Variants in EYS observed in about 807,000 individuals in gnomAD.
The protein encoded by EYS is EGF-like photoreceptor maintenance factor, also known as protein eyes shut homolog.
Under a neutral mutation model 282.1 loss-of-function variants are expected in EYS, and 250 were observed. That is an observed-to-expected ratio of 0.89 (90% CI 0.80 to 0.98). The LOEUF (loss-of-function observed/expected upper bound fraction) is 0.98, where lower values mean the gene tolerates loss of function less well. Among genes scored for constraint, EYS ranks in the 50% least tolerant of loss-of-function variants. The probability of loss-of-function intolerance (pLI) is 0.00; values close to 1 mark genes in which losing one functional copy is unlikely to be tolerated. For synonymous variants in EYS, 1,355 were observed against 1,282.9 expected, an observed-to-expected ratio of 1.06 and a Z score of -1.20; for missense variants, 4,016 against 3,709.0, an observed-to-expected ratio of 1.08 and a Z score of -2.15.
intron 36 of EYS, among the ~76,000 whole-genome samples, chr6:63,826,845 C>CAAAAAAAAAAAAAAAAAAAG (rs1771478105): frequency 2.2e-3 from 169 of 76,634 alleles, no homozygotes; most frequent in Non-Finnish European, 2.9e-3. Flanking sequence ...AGTTAAAAAG[C>CAAAAAAAAAAAAAAAAAAAG]AAAAAAAAAA....
chr6:65,112,865 C>T (rs1028673345), intron 12 of EYS, among the ~76,000 whole-genome samples: 2 of 152,002 alleles, frequency 1.3e-5, no homozygotes, highest in African/African-American at 2.4e-5. Context: ...TACAGTTGCC[C>T]TTCATAAAAT....
intron 12 of EYS, among the ~76,000 whole-genome samples, chr6:65,206,842 C>G (rs1194378074): frequency 6.6e-6 from 1 of 151,490 alleles, no homozygotes; most frequent in Non-Finnish European, 1.5e-5. Context: ...AGATGAAAAC[C>G]CTCAACAAAC....
intron 5 of EYS, among the ~76,000 whole-genome samples, chr6:65,439,881 T>C (rs896655766): frequency 2.6e-5 from 4 of 152,018 alleles, no homozygotes; most frequent in African/African-American, 9.7e-5. Flanking sequence ...GATCTATCTT[T>C]AAACAGCAGC....
At chr6:64,910,944 A>T (rs1767971870) in intron 16 of EYS, among the ~76,000 whole-genome samples, 1 of 152,044 alleles carries the variant, frequency 6.6e-6, no homozygotes, top group Non-Finnish European at 1.5e-5. Context: ...GAATAAATAT[A>T]CTATGGCCTC....
chr6:65,619,910 G>A (rs1766401496), intron 2 of EYS, among the ~76,000 whole-genome samples: 1 of 151,018 alleles, frequency 6.6e-6, no homozygotes, highest in Non-Finnish European at 1.5e-5. Context: ...AAGCCCACTT[G>A]ATCATGGTGG....
At chr6:63,761,786 C>T (rs986088219) in intron 41 of EYS, among the ~76,000 whole-genome samples, 1 of 151,958 alleles carries the variant, frequency 6.6e-6, no homozygotes, top group Non-Finnish European at 1.5e-5. Context: ...TCCTTATGTC[C>T]CTTTATTTTC....
At chr6:65,600,677 T>C (rs532201506) in intron 2 of EYS, among the ~76,000 whole-genome samples, 2 of 152,188 alleles carry the variant, frequency 1.3e-5, no homozygotes, top group South Asian at 4.1e-4. Flanking sequence ...GTACTGTGTA[T>C]TGAAATTGTA....
intron 41 of EYS, among the ~76,000 whole-genome samples, chr6:63,760,416 A>G (rs1769602647): frequency 6.6e-6 from 1 of 151,996 alleles, no homozygotes; most frequent in Non-Finnish European, 1.5e-5. Flanking sequence ...AAATGTGTGA[A>G]CCAGAATTCT....
chr6:64,634,606 G>T (rs926860163), intron 22 of EYS, among the ~76,000 whole-genome samples: 1 of 150,660 alleles, frequency 6.6e-6, no homozygotes, highest in Non-Finnish European at 1.5e-5. Flanking sequence ...GTGTGGTATA[G>T]TCAATATACT....
intron 12 of EYS, among the ~76,000 whole-genome samples, chr6:65,069,305 C>T (rs1773839878): frequency 6.6e-6 from 1 of 151,982 alleles, no homozygotes; most frequent in Non-Finnish European, 1.5e-5. Flanking sequence ...TTTCTCTCTT[C>T]CTTCCTTTGA....
chr6:64,768,549 T>A (rs910417838), intron 22 of EYS, among the ~76,000 whole-genome samples: 4 of 152,336 alleles, frequency 2.6e-5, no homozygotes, highest in Admixed American at 2.6e-4. Context: ...GGGGTCACCC[T>A]ATGAAAGGAT....
chr6:65,498,100 A>C (rs550839434), intron 2 of EYS, among the ~76,000 whole-genome samples: 77 of 152,148 alleles, frequency 5.1e-4, no homozygotes, highest in African/African-American at 1.8e-3. Context: ...TGGCCTAAAG[A>C]AAGAGAAGAA....
chr6:65,223,218 T>A (rs1285156217), intron 12 of EYS, among the ~76,000 whole-genome samples: 6 of 151,896 alleles, frequency 4.0e-5, no homozygotes, highest in African/African-American at 1.5e-4. Context: ...ACACAAAAAA[T>A]TAGCTGGGCG....
At chr6:65,420,907 T>C (rs1007108925) in intron 5 of EYS, among the ~76,000 whole-genome samples, 7 of 151,776 alleles carry the variant, frequency 4.6e-5, no homozygotes, top group Admixed American at 4.0e-4. Flanking sequence ...GTCACAATGG[T>C]GGGCTTAAAA....
chr6:65,583,251 T>A (rs1403811004), intron 2 of EYS, among the ~76,000 whole-genome samples: 1 of 152,060 alleles, frequency 6.6e-6, no homozygotes, highest in Non-Finnish European at 1.5e-5. Flanking sequence ...CTTATTTTAA[T>A]ATTGTTTTCT....
chr6:64,443,711 C>A (rs1293302153), intron 26 of EYS, among the ~76,000 whole-genome samples: 1 of 152,082 alleles, frequency 6.6e-6, no homozygotes, highest in East Asian at 1.9e-4. Context: ...TGCCATCTCT[C>A]TTTTTCTCAG....
At chr6:64,900,400 G>C (rs1197292984) in intron 18 of EYS, among the ~76,000 whole-genome samples, 1 of 152,134 alleles carries the variant, frequency 6.6e-6, no homozygotes, top group Non-Finnish European at 1.5e-5. Flanking sequence ...TTAAACTAAA[G>C]AGCTTCTGCA....
At chr6:64,187,972 T>G (rs1435684615) in intron 31 of EYS, among the ~76,000 whole-genome samples, 2 of 152,152 alleles carry the variant, frequency 1.3e-5, no homozygotes, top group East Asian at 3.8e-4. Flanking sequence ...AAAATGTGAT[T>G]ACTGAAAATA....
chr6:64,707,106 TACACAC>T (rs541099764), intron 22 of EYS, among the ~76,000 whole-genome samples: 5 of 112,718 alleles, frequency 4.4e-5, no homozygotes, highest in African/African-American at 1.5e-4. Context: ...TATATATGCA[TACACAC>T]ACACACACAC....
Sources: allele counts gnomAD v4.1 joint callset (sites outside exome capture counted in the v4.1 genomes callset), GRCh38; gene constraint gnomAD v4.1.1; transcripts MANE v1.5; gene names NCBI Gene and HGNC (gene_info 2026-07-23, HGNC 2026-07-21).